The following NMNAT2 variants were observed in gnomAD, a reference collection of about 807,000 sequenced individuals.
NMNAT2 encodes nicotinamide/nicotinic acid mononucleotide adenylyltransferase 2.
NMNAT2 carries 11 observed loss-of-function variants against 41.6 expected under a neutral mutation model. The ratio of observed to expected loss-of-function variants is 0.26; its 90% confidence interval spans 0.17 to 0.44. The LOEUF (loss-of-function observed/expected upper bound fraction) is 0.44, where lower values mean the gene tolerates loss of function less well. NMNAT2 is among the 20% of genes least tolerant of loss of function. NMNAT2 has a pLI of 1.00. For synonymous variants in NMNAT2, 148 were observed against 151.2 expected (o/e 0.98, Z 0.16); for missense variants, 288 against 407.7 (o/e 0.71, Z 2.53).
At chr1:183,288,813 A>C (rs1418356509) in intron 4 of NMNAT2, among the ~76,000 whole-genome samples, 1 of 152,164 alleles carries the variant, frequency 6.6e-6, no homozygotes, top group East Asian at 1.9e-4. Context: ...AGTCTTACAC[A>C]GTGTCTTTTA....
intron 1 of NMNAT2, among the ~76,000 whole-genome samples, chr1:183,322,222 C>T (rs1662370494): frequency 6.6e-6 from 1 of 152,196 alleles, no homozygotes; most frequent in Non-Finnish European, 1.5e-5. Context: ...CTGAACGTGA[C>T]ACCCCTCTGA....
At chr1:183,401,533 A>G (rs988523368) in intron 1 of NMNAT2, among the ~76,000 whole-genome samples, 1 of 152,246 alleles carries the variant, frequency 6.6e-6, no homozygotes, top group Non-Finnish European at 1.5e-5. Flanking sequence ...TAGAACTAGA[A>G]ATACCATTTG....
chr1:183,376,087 G>T (rs935548623), intron 1 of NMNAT2, among the ~76,000 whole-genome samples: 4 of 152,164 alleles, frequency 2.6e-5, no homozygotes, highest in African/African-American at 4.8e-5. Flanking sequence ...GAACACCTAA[G>T]GAGTGCTGAA....
At chr1:183,265,759 T>C (rs1660796484) in intron 8 of NMNAT2, among the ~76,000 whole-genome samples, 1 of 152,210 alleles carries the variant, frequency 6.6e-6, no homozygotes, top group Admixed American at 6.5e-5. Context: ...TTAGGCTGAA[T>C]AATGAACCCG....
intron 1 of NMNAT2, among the ~76,000 whole-genome samples, chr1:183,321,174 C>T (rs1006434089): frequency 8.5e-5 from 13 of 152,168 alleles, no homozygotes; most frequent in South Asian, 2.1e-4. Flanking sequence ...TCCCACCAGA[C>T]GGAATCCTTT....
intron 1 of NMNAT2, among the ~76,000 whole-genome samples, chr1:183,309,420 G>A (rs1662061139): frequency 6.6e-6 from 1 of 152,182 alleles, no homozygotes; most frequent in African/African-American, 2.4e-5. Context: ...GCCGATTCCA[G>A]GAGTCTGAAA....
chr1:183,253,729 G>A (rs1571551893), intron 10 of NMNAT2, among the ~76,000 whole-genome samples: 1 of 152,166 alleles, frequency 6.6e-6, no homozygotes, highest in Non-Finnish European at 1.5e-5. Flanking sequence ...CTTGACCCTG[G>A]TAATCATTGT....
At chr1:183,379,049 TATC>T (rs1177796121) in intron 1 of NMNAT2, among the ~76,000 whole-genome samples, 4 of 73,856 alleles carry the variant, frequency 5.4e-5, no homozygotes, top group African/African-American at 1.6e-4. Context: ...TCTCAAAAAA[TATC>T]TATATCTATA....
At position 183,303,907 on chromosome 1, in the gene NMNAT2, T is replaced by A. The variant is rs552860164; in HGVS notation, c.86-10114A>T. Among the ~76,000 whole-genome samples, 10 of 152,374 alleles carry A rather than the reference T, an allele frequency of 6.6e-5. No homozygotes were observed. In the South Asian group the frequency reaches 1.9e-3, roughly 28 times the overall value. On this transcript the variant is annotated intron_variant, in intron 1 of 10. Transcript: ENST00000287713. ...ATTTCCTCTCCACAGGGAGCAATTT[T>A]CCTTGCTCTTCCTCCAGCCAGTCAG... is the stretch of plus-strand genomic sequence containing the variant.
chr1:183,319,064 C>T (rs1487366650), intron 1 of NMNAT2, among the ~76,000 whole-genome samples: 2 of 152,054 alleles, frequency 1.3e-5, no homozygotes, highest in Non-Finnish European at 2.9e-5. Context: ...GTGTGCATGC[C>T]CCATACCCCC....
chr1:183,416,176 T>A (rs1319056552), intron 1 of NMNAT2, among the ~76,000 whole-genome samples: 1 of 152,254 alleles, frequency 6.6e-6, no homozygotes, highest in Admixed American at 6.5e-5. Context: ...TAACAAAGAA[T>A]CTTCAGCTAC....
chr1:183,407,166 A>G (rs906724035), intron 1 of NMNAT2, among the ~76,000 whole-genome samples: 1 of 152,054 alleles, frequency 6.6e-6, no homozygotes, highest in Non-Finnish European at 1.5e-5. Context: ...AATAATTCCT[A>G]CATGTCCCAT....
At chr1:183,340,468 CAT>C (rs1662772390) in intron 1 of NMNAT2, among the ~76,000 whole-genome samples, 1 of 152,030 alleles carries the variant, frequency 6.6e-6, no homozygotes, top group East Asian at 1.9e-4. Flanking sequence ...GGATTACAGA[CAT>C]GTGCCACCAC....
intron 1 of NMNAT2, among the ~76,000 whole-genome samples, chr1:183,376,137 C>G (rs937786135): frequency 3.9e-5 from 6 of 152,154 alleles, no homozygotes; most frequent in Non-Finnish European, 7.3e-5. Flanking sequence ...GTTCAGCTAA[C>G]ATTTATGAGG....
chr1:183,389,702 C>G (rs1026235598), intron 1 of NMNAT2, among the ~76,000 whole-genome samples: 3 of 145,924 alleles, frequency 2.1e-5, no homozygotes, highest in East Asian at 4.0e-4. Context: ...TGCCATTGCA[C>G]TCCAGCCTGG....
At chr1:183,261,566 T>C (rs1660657643) in intron 8 of NMNAT2, among the ~76,000 whole-genome samples, 1 of 152,214 alleles carries the variant, frequency 6.6e-6, no homozygotes, top group African/African-American at 2.4e-5. Context: ...TGAACTCTTA[T>C]ATGTCTGGGC....
chr1:183,375,425 GC>G (rs1663654996), intron 1 of NMNAT2, among the ~76,000 whole-genome samples: 1 of 152,056 alleles, frequency 6.6e-6, no homozygotes, highest in Admixed American at 6.6e-5. Flanking sequence ...TATTTCCTGA[GC>G]CTGACTTGCG....
At chr1:183,396,489 T>C (rs1306857423) in intron 1 of NMNAT2, among the ~76,000 whole-genome samples, 1 of 152,114 alleles carries the variant, frequency 6.6e-6, no homozygotes, top group Non-Finnish European at 1.5e-5. Context: ...GGAGTTTAAC[T>C]GGTATATGAC....
In NMNAT2 at chr1:183,252,716, A is replaced by G; in HGVS notation, c.849T>C (p.His283=). The G allele has an allele frequency of 6.2e-7, 1 of 1,614,074 alleles. No homozygotes were observed. The highest frequency in any genetic ancestry group is 8.5e-7 in the Non-Finnish European group (1 of 1,179,962). The change falls in exon 11 of 11, where the codon CAT becomes CAC. Residue 283 remains histidine, a synonymous_variant. Coordinates refer to ENST00000287713, the MANE Select transcript of NMNAT2 (RefSeq NM_015039.4). ...CCGGCTGGGACAGGTAATCCACAAC[A>G]TGGCCGTCCCCATGCTGCAGGGCCA... is the stretch of plus-strand genomic sequence containing the variant. ...SRLALQHGDG[H]VVDYLSQPVI...
Sources: gnomAD v4.1 joint callset for allele counts (sites outside exome capture counted in the v4.1 genomes callset) on GRCh38, gnomAD v4.1.1 for gene constraint, MANE v1.5 for transcripts, NCBI Gene and HGNC (gene_info 2026-07-23, HGNC 2026-07-21) for gene names.